The following REDIC1 variants were observed in gnomAD, a reference collection of about 807,000 sequenced individuals.
REDIC1 encodes regulator of DNA class I crossover intermediates 1, also known as HEI10 Interacting Protein 1.
At chr12:39,628,162 A>G in the REDIC1 span, among the ~76,000 whole-genome samples, 1 of 152,304 alleles carries the variant, frequency 6.6e-6, no homozygotes, top group African/African-American at 2.4e-5. Context: ...TTGTGTGATC[A>G]ACTTTCACAC....
At chr12:39,774,201 C>T in the REDIC1 span, among the ~76,000 whole-genome samples, 2,390 of 152,254 alleles carry the variant, frequency 0.016, 58 homozygotes, top group African/African-American at 0.052. Context: ...CAGGATAGGA[C>T]ACCTTCACTC....
the REDIC1 span, among the ~76,000 whole-genome samples, chr12:39,678,877 A>C: frequency 1.3e-5 from 2 of 152,164 alleles, no homozygotes; most frequent in African/African-American, 4.8e-5. Context: ...ATGCAGAAAA[A>C]GCATTTTACA....
chr12:39,762,710 A>G, the REDIC1 span, among the ~76,000 whole-genome samples: 1 of 152,106 alleles, frequency 6.6e-6, no homozygotes, highest in Non-Finnish European at 1.5e-5. Context: ...CATAGCTTAC[A>G]TAAACCAGTA....
chr12:39,643,085 T>A, the REDIC1 span, among the ~76,000 whole-genome samples: 1 of 151,794 alleles, frequency 6.6e-6, no homozygotes, highest in Non-Finnish European at 1.5e-5. Context: ...GAAGAGAAGA[T>A]GTTTTCACAA....
chr12:39,895,092 C>A, the REDIC1 span, among the ~76,000 whole-genome samples: 1 of 151,992 alleles, frequency 6.6e-6, no homozygotes, highest in Non-Finnish European at 1.5e-5. Flanking sequence ...TGGTCTTGAA[C>A]TTCTTGGCCC....
the REDIC1 span, chr12:39,643,817 A>G: frequency 6.4e-7 from 1 of 1,555,104 alleles, no homozygotes; most frequent in Non-Finnish European, 8.8e-7. Flanking sequence ...CAAAAATGAA[A>G]TCACTGGGAG....
At chr12:39,772,909 G>A in the REDIC1 span, among the ~76,000 whole-genome samples, 1 of 152,150 alleles carries the variant, frequency 6.6e-6, no homozygotes, top group Non-Finnish European at 1.5e-5. Flanking sequence ...GGCACTGCAG[G>A]CACTAACTTG....
At chr12:39,846,026 G>T in the REDIC1 span, among the ~76,000 whole-genome samples, 1 of 152,054 alleles carries the variant, frequency 6.6e-6, no homozygotes, top group African/African-American at 2.4e-5. Context: ...ATCTGTATTT[G>T]CTTCTTGTCT....
the REDIC1 span, chr12:39,647,771 A>G: frequency 4.2e-6 from 6 of 1,428,502 alleles, no homozygotes; most frequent in African/African-American, 5.9e-5. Flanking sequence ...AATGTAAATG[A>G]TTTTATCTTC....
the REDIC1 span, among the ~76,000 whole-genome samples, chr12:39,764,175 G>A: frequency 6.6e-6 from 1 of 151,900 alleles, no homozygotes; most frequent in Non-Finnish European, 1.5e-5. Context: ...ATGGTGTAAA[G>A]ACTTCCACCT....
the REDIC1 span, among the ~76,000 whole-genome samples, chr12:39,748,753 A>G: frequency 0.14 from 20,859 of 152,192 alleles, 1,695 homozygotes; most frequent in East Asian, 0.4. Flanking sequence ...CTAGAACTGA[A>G]GATTAAGAAA....
chr12:39,730,244 T>C, the REDIC1 span, among the ~76,000 whole-genome samples: 1 of 152,170 alleles, frequency 6.6e-6, no homozygotes, highest in Non-Finnish European at 1.5e-5. Flanking sequence ...GCGCAGTTTC[T>C]TCAGCATAAA....
the REDIC1 span, among the ~76,000 whole-genome samples, chr12:39,733,521 GTTA>G: frequency 6.6e-6 from 1 of 150,408 alleles, no homozygotes; most frequent in Non-Finnish European, 1.5e-5. Context: ...TGTTTGTTTT[GTTA>G]TTATTATCAT....
the REDIC1 span, among the ~76,000 whole-genome samples, chr12:39,733,659 G>A: frequency 6.6e-6 from 1 of 152,162 alleles, no homozygotes; most frequent in Admixed American, 6.5e-5. Context: ...GAGCTGCAGT[G>A]GGCTCTGCCC....
the REDIC1 span, among the ~76,000 whole-genome samples, chr12:39,732,410 C>T: frequency 6.6e-6 from 1 of 152,028 alleles, no homozygotes; most frequent in Non-Finnish European, 1.5e-5. Flanking sequence ...TGTGTTTTTT[C>T]ATTAGGAGGC....
At chr12:39,717,356 T>C in the REDIC1 span, among the ~76,000 whole-genome samples, 1 of 152,028 alleles carries the variant, frequency 6.6e-6, no homozygotes, top group African/African-American at 2.4e-5. Flanking sequence ...ATATATTATA[T>C]ACTATATTTA....
the REDIC1 span, among the ~76,000 whole-genome samples, chr12:39,747,725 T>C: frequency 1.3e-5 from 2 of 152,250 alleles, no homozygotes; most frequent in Non-Finnish European, 2.9e-5. Context: ...TAACAGCTGA[T>C]CTTTCAGCAG....
the REDIC1 span, chr12:39,907,505 A>T: frequency 6.6e-6 from 1 of 152,144 alleles, no homozygotes; most frequent in Non-Finnish European, 1.5e-5. Flanking sequence ...CTCTATCAAA[A>T]CCATAATGTA....
chr12:39,632,658 A>C, the REDIC1 span, among the ~76,000 whole-genome samples: 8,268 of 152,180 alleles, frequency 0.054, 259 homozygotes, highest in Middle Eastern at 0.089. Context: ...TGTAAACATC[A>C]TAGACTGTGC....
Sources: allele counts gnomAD v4.1 joint callset (sites outside exome capture counted in the v4.1 genomes callset), GRCh38; gene constraint gnomAD v4.1.1; transcripts MANE v1.5; gene names NCBI Gene and HGNC (gene_info 2026-07-23, HGNC 2026-07-21).